Variants in HMGA2 observed in about 807,000 individuals in gnomAD.
HMGA2 encodes the protein high mobility group AT-hook 2, also known as high mobility group protein HMGI-C.
A neutral mutation model predicts 19.1 loss-of-function variants in HMGA2; 8 were observed. The observed-to-expected ratio is 0.42, with a 90% confidence interval of 0.25 to 0.76. The LOEUF (loss-of-function observed/expected upper bound fraction) is 0.76. HMGA2 is among the 30% of genes least tolerant of loss of function. HMGA2 has a pLI of 0.28. For missense variants in HMGA2, 109 were observed against 136.3 expected, an observed-to-expected ratio of 0.80 and a Z score of 1.00; for synonymous variants, 60 against 48.8, an observed-to-expected ratio of 1.23 and a Z score of -0.96.
chr12:65,953,046 T>C (rs1000238082), intron 4 of HMGA2: 2 of 152,190 alleles, frequency 1.3e-5, no homozygotes, highest in Non-Finnish European at 2.9e-5. Flanking sequence ...GGTGGGAGTA[T>C]TTACACCATG....
At chr12:65,894,620 T>C (rs1019641042) in intron 3 of HMGA2, among the ~76,000 whole-genome samples, 5 of 152,238 alleles carry the variant, frequency 3.3e-5, no homozygotes, top group African/African-American at 1.2e-4. Flanking sequence ...CAGGAAAGTA[T>C]GGCAATTGCT....
chr12:65,920,137 T>C (rs1875251938), intron 3 of HMGA2, among the ~76,000 whole-genome samples: 1 of 152,050 alleles, frequency 6.6e-6, no homozygotes, highest in Non-Finnish European at 1.5e-5. Flanking sequence ...TTTTTAGTGG[T>C]GGGGGAGTTC....
At chr12:65,854,153 T>A (rs1871612286) in intron 3 of HMGA2, among the ~76,000 whole-genome samples, 1 of 152,240 alleles carries the variant, frequency 6.6e-6, no homozygotes, top group Non-Finnish European at 1.5e-5. Context: ...TGTTGACATC[T>A]TCTGTTCCTT....
At chr12:65,899,817 A>G (rs538368044) in intron 3 of HMGA2, among the ~76,000 whole-genome samples, 1 of 152,208 alleles carries the variant, frequency 6.6e-6, no homozygotes, top group African/African-American at 2.4e-5. Context: ...GCATCTTAGG[A>G]AAGCTGATAT....
intron 3 of HMGA2, among the ~76,000 whole-genome samples, chr12:65,854,230 T>C (rs942946906): frequency 2.0e-5 from 3 of 152,214 alleles, no homozygotes; most frequent in African/African-American, 4.8e-5. Flanking sequence ...GAAACATCAA[T>C]ATAGAAAGGA....
At chr12:65,836,000 A>G (rs1870701239) in intron 2 of HMGA2, among the ~76,000 whole-genome samples, 1 of 152,220 alleles carries the variant, frequency 6.6e-6, no homozygotes. Flanking sequence ...TCACTATGCA[A>G]TAGCCAAAGG....
At chr12:65,827,484 T>G (rs572254092) in intron 1 of HMGA2, among the ~76,000 whole-genome samples, 2 of 152,192 alleles carry the variant, frequency 1.3e-5, no homozygotes, top group East Asian at 3.9e-4. Flanking sequence ...AGTATTTCAC[T>G]CAAAATGTGT....
intron 3 of HMGA2, among the ~76,000 whole-genome samples, chr12:65,852,585 A>C (rs1042689832): frequency 4.6e-5 from 7 of 152,152 alleles, no homozygotes; most frequent in Non-Finnish European, 5.9e-5. Context: ...TATAACTTCT[A>C]ACACTTAGCT....
intron 3 of HMGA2, among the ~76,000 whole-genome samples, chr12:65,940,315 A>G (rs1209227686): frequency 1.3e-5 from 2 of 152,306 alleles, no homozygotes; most frequent in East Asian, 3.9e-4. Context: ...GAGAAACAAG[A>G]TGCTCTTTAT....
At chr12:65,932,359 G>A (rs10784500) in intron 3 of HMGA2, among the ~76,000 whole-genome samples, 26,413 of 152,186 alleles carry the variant, frequency 0.17, 3,582 homozygotes, top group East Asian at 0.68. Flanking sequence ...TCTTGATAAT[G>A]TTTGATTGTT....
chr12:65,842,003 T>A, intron 3 of HMGA2: 2 of 1,066,904 alleles, frequency 1.9e-6, no homozygotes, highest in Non-Finnish European at 2.4e-6. Context: ...TTTTTTTTTT[T>A]TATCCCCCTA....
intron 3 of HMGA2, among the ~76,000 whole-genome samples, chr12:65,891,873 GC>G (rs1400237357): frequency 6.6e-6 from 1 of 152,214 alleles, no homozygotes; most frequent in Non-Finnish European, 1.5e-5. Context: ...CCAGTCCCGT[GC>G]CCAGCACAAC....
intron 3 of HMGA2, among the ~76,000 whole-genome samples, chr12:65,907,636 A>C (rs1047517119): frequency 6.6e-6 from 1 of 152,128 alleles, no homozygotes; most frequent in African/African-American, 2.4e-5. Context: ...AGAATAGGGA[A>C]CCGAAAGATA....
intron 2 of HMGA2, among the ~76,000 whole-genome samples, chr12:65,834,889 G>A (rs554823060): frequency 6.6e-6 from 1 of 152,142 alleles, no homozygotes; most frequent in Non-Finnish European, 1.5e-5. Flanking sequence ...AAAATTAAGT[G>A]TACAGTTTTG....
At chr12:65,862,033 C>T (rs1226005886) in intron 3 of HMGA2, among the ~76,000 whole-genome samples, 4 of 151,700 alleles carry the variant, frequency 2.6e-5, no homozygotes, top group African/African-American at 4.8e-5. Flanking sequence ...TTAGTAGAGA[C>T]GGGGTTTCAC....
intron 3 of HMGA2, chr12:65,882,251 T>C (rs1166939065): frequency 1.7e-5 from 5 of 289,650 alleles, no homozygotes; most frequent in African/African-American, 8.7e-5. Context: ...TTTCTGTTCA[T>C]ACTGAAGCAG....
intron 3 of HMGA2, among the ~76,000 whole-genome samples, chr12:65,925,618 A>G (rs1444043787): frequency 6.6e-6 from 1 of 152,226 alleles, no homozygotes; most frequent in Admixed American, 6.5e-5. Context: ...TGCTCCCTGA[A>G]CTGAATTAAA....
chr12:65,905,549 C>G (rs1874556551), intron 3 of HMGA2, among the ~76,000 whole-genome samples: 1 of 152,162 alleles, frequency 6.6e-6, no homozygotes, highest in South Asian at 2.1e-4. Flanking sequence ...ATGTCCAAAC[C>G]TGTGTGTGGA....
At chr12:65,841,968 T>C (rs1261096080) in intron 3 of HMGA2, among the ~76,000 whole-genome samples, 1 of 152,160 alleles carries the variant, frequency 6.6e-6, no homozygotes, top group Non-Finnish European at 1.5e-5. Context: ...AACACTTCTA[T>C]TGTTTACTTT....
Sources: allele counts gnomAD v4.1 joint callset (sites outside exome capture counted in the v4.1 genomes callset), GRCh38; gene constraint gnomAD v4.1.1; transcripts MANE v1.5; gene names NCBI Gene and HGNC (gene_info 2026-07-23, HGNC 2026-07-21).